Variants in HSD17B2 observed in about 807,000 individuals in gnomAD.
The protein encoded by HSD17B2 is 17-beta-hydroxysteroid dehydrogenase type 2.
Under a neutral mutation model 26.9 loss-of-function variants are expected in HSD17B2, and 32 were observed. The ratio of observed to expected loss-of-function variants is 1.19; its 90% CI spans 0.90 to 1.60. The LOEUF (loss-of-function observed/expected upper bound fraction) is 1.60. Among genes scored for constraint, HSD17B2 ranks in the 40% most tolerant of loss-of-function variants. The pLI is 0.00. For synonymous variants in HSD17B2, 246 were observed against 186.7 expected, an observed-to-expected ratio of 1.32 and a Z score of -2.59; for missense variants, 613 against 468.6, an observed-to-expected ratio of 1.31 and a Z score of -2.85.
At chr16:82,083,731 C>T (rs575211130) in intron 3 of HSD17B2, among the ~76,000 whole-genome samples, 168 of 152,234 alleles carry the variant, frequency 1.1e-3, no homozygotes, top group African/African-American at 3.9e-3. Flanking sequence ...TCCTCTGCCC[C>T]GTCACTTACT....
chr16:82,079,292 C>T (rs1038289095), intron 3 of HSD17B2, among the ~76,000 whole-genome samples: 2 of 152,144 alleles, frequency 1.3e-5, no homozygotes, highest in African/African-American at 2.4e-5. Context: ...AACAGAAATT[C>T]CTTTTCTCAC....
At chr16:82,062,566 A>C (rs563064956) in intron 1 of HSD17B2, among the ~76,000 whole-genome samples, 2 of 152,346 alleles carry the variant, frequency 1.3e-5, no homozygotes, top group African/African-American at 4.8e-5. Flanking sequence ...GCCTGGCTCC[A>C]AACTACCTCT....
rs8191153 is a variant in HSD17B2, at chr16:82,069,476, T to C, written c.478+1094T>C. ...CCCAGTTTTTAACTTCCCTGCAGTA[T>C]TTAAGCATGTTGTTTATACTCTCCT... On this transcript the variant is annotated intron_variant, in intron 2 of 4. Transcript: ENST00000199936. Among the ~76,000 whole-genome samples, 272 of 152,324 alleles carry C rather than the reference T, an allele frequency of 1.8e-3. 4 individuals are homozygous for C. The highest frequency in any genetic ancestry group is 0.017 in the Admixed American group (259 of 15,306).
intron 1 of HSD17B2, among the ~76,000 whole-genome samples, chr16:82,046,914 A>G (rs1362497651): frequency 1.3e-5 from 2 of 152,238 alleles, no homozygotes; most frequent in Admixed American, 6.5e-5. Flanking sequence ...CTTTTAGCTC[A>G]AGAAGATAAT....
chr16:82,074,707 A>G (rs1904292820), intron 3 of HSD17B2, among the ~76,000 whole-genome samples: 1 of 152,248 alleles, frequency 6.6e-6, no homozygotes, highest in Non-Finnish European at 1.5e-5. Flanking sequence ...TAAAGGAAAT[A>G]TTATTAGAAC....
Position 82,090,768 on chromosome 16 carries a change from G to C in HSD17B2, c.665-134G>C, listed in dbSNP as rs1489039477. On this transcript the variant is annotated intron_variant, in intron 3 of 4. Coordinates refer to ENST00000199936, the MANE Select transcript of HSD17B2 (RefSeq NM_002153.3). The stretch of plus-strand genomic sequence containing the variant: ...AAGAACATTGCTCACCTGGGCTCAG[G>C]GGGCCTTGCCTGCCTTTGTCTGCCC... 14 of 778,746 alleles carry C rather than the reference G, an allele frequency of 1.8e-5. No homozygotes were observed. In the East Asian group the frequency reaches 3.5e-4, roughly 19 times the overall value. 48.2% of individuals were successfully genotyped at this position (778,746 alleles called of 1,614,324 possible).
At chr16:82,039,250 C>T (rs1014187040) in intron 1 of HSD17B2, among the ~76,000 whole-genome samples, 1 of 146,112 alleles carries the variant, frequency 6.8e-6, no homozygotes, top group African/African-American at 2.5e-5. Context: ...GAAAATAATA[C>T]ACACACACAC....
At chr16:82,073,046 G>A (rs898658140) in intron 3 of HSD17B2, among the ~76,000 whole-genome samples, 48 of 152,106 alleles carry the variant, frequency 3.2e-4, no homozygotes, top group Non-Finnish European at 6.2e-4. Flanking sequence ...GGGTGAGAGA[G>A]TGAGACGCTC....
chr16:82,086,647 A>G (rs1241011558), intron 3 of HSD17B2, among the ~76,000 whole-genome samples: 1 of 152,236 alleles, frequency 6.6e-6, no homozygotes, highest in African/African-American at 2.4e-5. Flanking sequence ...AAGGATAGAA[A>G]GGGTGCAGTC....
At chr16:82,093,254 C>T (rs1243801629) in intron 4 of HSD17B2, 1 of 152,186 alleles carries the variant, frequency 6.6e-6, no homozygotes, top group Non-Finnish European at 1.5e-5. Flanking sequence ...GTAATCACCT[C>T]TTACTTTTTG....
chr16:82,054,095 C>A (rs1359704489), intron 1 of HSD17B2, among the ~76,000 whole-genome samples: 2 of 151,752 alleles, frequency 1.3e-5, no homozygotes, highest in African/African-American at 4.8e-5. Context: ...CAAGTCACCT[C>A]TGGCTGTGAT....
intron 1 of HSD17B2, among the ~76,000 whole-genome samples, chr16:82,042,006 T>A (rs1913780193): frequency 6.6e-6 from 1 of 151,774 alleles, no homozygotes; most frequent in Admixed American, 6.6e-5. Context: ...TCTTTTTTTT[T>A]TTTTTAATTT....
At chr16:82,065,926 G>C (rs540426864) in intron 1 of HSD17B2, among the ~76,000 whole-genome samples, 40 of 152,270 alleles carry the variant, frequency 2.6e-4, no homozygotes, top group Admixed American at 9.8e-4. Context: ...AGACAGACTT[G>C]ACCACTACTG....
At chr16:82,088,627 G>C (rs1427637283) in intron 3 of HSD17B2, among the ~76,000 whole-genome samples, 1 of 152,220 alleles carries the variant, frequency 6.6e-6, no homozygotes, top group Non-Finnish European at 1.5e-5. Context: ...AGCCCATGCT[G>C]TGATTTTGAA....
At chr16:82,068,692 C>A (rs1914630151) in intron 2 of HSD17B2, among the ~76,000 whole-genome samples, 1 of 152,198 alleles carries the variant, frequency 6.6e-6, no homozygotes, top group Non-Finnish European at 1.5e-5. Flanking sequence ...TAGCAACATG[C>A]ATTAGAGTCT....
intron 1 of HSD17B2, among the ~76,000 whole-genome samples, chr16:82,050,402 C>A (rs1914072231): frequency 6.6e-6 from 1 of 152,090 alleles, no homozygotes; most frequent in African/African-American, 2.4e-5. Flanking sequence ...CTAGATATGT[C>A]CACGGCTCGT....
intron 1 of HSD17B2, among the ~76,000 whole-genome samples, chr16:82,060,902 T>C (rs1170257263): frequency 6.6e-6 from 1 of 152,210 alleles, no homozygotes; most frequent in African/African-American, 2.4e-5. Context: ...TGAAAACCTT[T>C]TTGGTTCCAG....
chr16:82,074,062 C>G (rs1914757932), intron 3 of HSD17B2, among the ~76,000 whole-genome samples: 1 of 152,244 alleles, frequency 6.6e-6, no homozygotes, highest in South Asian at 2.1e-4. Flanking sequence ...CCTACAACAT[C>G]TAATCTTTGA....
chr16:82,050,738 G>T (rs1010456404), intron 1 of HSD17B2, among the ~76,000 whole-genome samples: 1 of 152,116 alleles, frequency 6.6e-6, no homozygotes, highest in Non-Finnish European at 1.5e-5. Context: ...CCCTTTACAG[G>T]CTGGCTTCTT....
Sources: gnomAD v4.1 joint callset for allele counts (sites outside exome capture counted in the v4.1 genomes callset) on GRCh38, gnomAD v4.1.1 for gene constraint, MANE v1.5 for transcripts, NCBI Gene and HGNC (gene_info 2026-07-23, HGNC 2026-07-21) for gene names.